The following KCNN3 variants were observed in gnomAD, a reference collection of about 807,000 sequenced individuals.
KCNN3 encodes small conductance calcium-activated potassium channel protein 3.
KCNN3 carries 16 observed loss-of-function variants against 62.9 expected under a neutral mutation model. The ratio of observed to expected loss-of-function variants is 0.25; its 90% CI spans 0.17 to 0.39. The LOEUF is 0.39. KCNN3 is among the 10% of genes least tolerant of loss of function. The probability of loss-of-function intolerance (pLI) is 1.00; values close to 1 mark genes in which losing one functional copy is unlikely to be tolerated. For synonymous variants in KCNN3, 370 were observed against 389.2 expected, an observed-to-expected ratio of 0.95 and a Z score of 0.58; for missense variants, 599 against 949.4, an observed-to-expected ratio of 0.63 and a Z score of 4.85.
At chr1:154,804,473 A>G (rs1172573587) in intron 2 of KCNN3, among the ~76,000 whole-genome samples, 1 of 152,206 alleles carries the variant, frequency 6.6e-6, no homozygotes, top group Non-Finnish European at 1.5e-5. Flanking sequence ...TTCCAAGTCA[A>G]CACTGTATTA....
intron 1 of KCNN3, among the ~76,000 whole-genome samples, chr1:154,847,997 A>T (rs1388296946): frequency 6.6e-6 from 1 of 151,436 alleles, no homozygotes; most frequent in African/African-American, 2.4e-5. Context: ...CTCCATACCT[A>T]CTCCTCCCAA....
At chr1:154,776,628 C>A (rs1648802506) in intron 2 of KCNN3, among the ~76,000 whole-genome samples, 1 of 152,166 alleles carries the variant, frequency 6.6e-6, no homozygotes, top group African/African-American at 2.4e-5. Flanking sequence ...CTCGCTCCCT[C>A]CCGATTCAGA....
chr1:154,789,240 T>C (rs1649410303), intron 2 of KCNN3, among the ~76,000 whole-genome samples: 1 of 152,168 alleles, frequency 6.6e-6, no homozygotes, highest in Non-Finnish European at 1.5e-5. Context: ...CTGCTTCCTC[T>C]TCGGTAGCTT....
chr1:154,771,359 A>T (rs1648552442), intron 3 of KCNN3, among the ~76,000 whole-genome samples: 1 of 152,210 alleles, frequency 6.6e-6, no homozygotes, highest in Admixed American at 6.5e-5. Flanking sequence ...CCATCAGTAC[A>T]GTGCTTCTCA....
intron 4 of KCNN3, among the ~76,000 whole-genome samples, chr1:154,729,141 G>A (rs1348503322): frequency 2.0e-5 from 3 of 152,220 alleles, no homozygotes; most frequent in Non-Finnish European, 4.4e-5. Flanking sequence ...CTGGTGGGTA[G>A]AGGGGGTGTG....
chr1:154,851,356 C>A (rs1571338400), intron 1 of KCNN3, among the ~76,000 whole-genome samples: 1 of 152,172 alleles, frequency 6.6e-6, no homozygotes, highest in Non-Finnish European at 1.5e-5. Flanking sequence ...GGGTCAGGAG[C>A]CCAGGCAGAA....
chr1:154,833,683 G>A (rs889111848), intron 1 of KCNN3, among the ~76,000 whole-genome samples: 1 of 152,160 alleles, frequency 6.6e-6, no homozygotes, highest in African/African-American at 2.4e-5. Flanking sequence ...GGGTGGGGCT[G>A]GTGTTCTGCC....
rs182169685 is a variant in KCNN3, at chr1:154,755,930, G to A, written c.1448+16045C>T. Among the ~76,000 whole-genome samples, 371 of 139,970 alleles carry A rather than the reference G, an allele frequency of 2.7e-3. 6 individuals are homozygous for A. Among genetic ancestry groups the A allele is most frequent in the African/African-American group, 0.01 (358 of 35,108 alleles). 91.8% of individuals were successfully genotyped at this position (139,970 alleles called of 152,430 possible). ...GGAGAAGAAGAAGAGAAGAAGAAGAGGTGGAGGATGGGGAGGGGAGGAGGA... is the reference window on the plus strand; with the variant it reads ...GGAGAAGAAGAAGAGAAGAAGAAGAAGTGGAGGATGGGGAGGGGAGGAGGA... On this transcript the variant is annotated intron_variant, in intron 3 of 7. Transcript: ENST00000271915.
chr1:154,863,261 T>C (rs891964311), intron 1 of KCNN3, among the ~76,000 whole-genome samples: 11 of 152,062 alleles, frequency 7.2e-5, no homozygotes, highest in Non-Finnish European at 1.6e-4. Context: ...CCCATTCGCC[T>C]CCTCCGGACT....
In KCNN3 at chr1:154,707,875, C is replaced by G; in HGVS notation, c.*101G>C. Reference sequence around the variant, plus strand: ...TAATTAGCTCGGTCTCTCTTCTTTCCGTTCCCTGGTCTGAATGTTTCTTGA... The same window carrying G: ...TAATTAGCTCGGTCTCTCTTCTTTCGGTTCCCTGGTCTGAATGTTTCTTGA... On this transcript the variant is annotated 3_prime_UTR_variant, in exon 8 of 8. Coordinates refer to ENST00000271915, the MANE Select transcript of KCNN3 (RefSeq NM_002249.6). The G allele has an allele frequency of 4.5e-6, 6 of 1,331,788 alleles. No individual in the cohort carries two copies. Among genetic ancestry groups the G allele is most frequent in the Non-Finnish European group, 5.2e-6 (5 of 961,366 alleles). The allele number at this position is 1,331,788 out of a possible 1,614,324, so 82.5% of individuals were successfully genotyped here.
At chr1:154,824,890 T>TCCAGCC (rs1651043601) in intron 1 of KCNN3, among the ~76,000 whole-genome samples, 1 of 152,158 alleles carries the variant, frequency 6.6e-6, no homozygotes, top group African/African-American at 2.4e-5. Flanking sequence ...CCTGGCCAGC[T>TCCAGCC]CCAGCCCTGT....
At chr1:154,848,604 C>T (rs1652179057) in intron 1 of KCNN3, among the ~76,000 whole-genome samples, 2 of 152,160 alleles carry the variant, frequency 1.3e-5, no homozygotes, top group Admixed American at 6.5e-5. Context: ...CTCCAGTCTT[C>T]TCTTCCCAGA....
At chr1:154,830,119 G>T (rs1651324706) in intron 1 of KCNN3, among the ~76,000 whole-genome samples, 1 of 152,180 alleles carries the variant, frequency 6.6e-6, no homozygotes, top group African/African-American at 2.4e-5. Flanking sequence ...TGTCAAGCAG[G>T]TAGACACTTC....
At chr1:154,735,062 C>T (rs1700681781) in intron 3 of KCNN3, among the ~76,000 whole-genome samples, 1 of 152,182 alleles carries the variant, frequency 6.6e-6, no homozygotes, top group South Asian at 2.1e-4. Flanking sequence ...TGGATCTTGT[C>T]TTAGAGGCCT....
intron 1 of KCNN3, among the ~76,000 whole-genome samples, chr1:154,843,891 G>A (rs61811872): frequency 6.6e-6 from 1 of 152,132 alleles, no homozygotes; most frequent in Non-Finnish European, 1.5e-5. Context: ...TGGAGGGGCG[G>A]CTGTGAGATT....
At chr1:154,711,331 C>A (rs1700069744) in intron 7 of KCNN3, among the ~76,000 whole-genome samples, 1 of 112,584 alleles carries the variant, frequency 8.9e-6, no homozygotes, top group Non-Finnish European at 1.7e-5. Context: ...CATCACACTC[C>A]AGGGACTGTT....
intron 3 of KCNN3, among the ~76,000 whole-genome samples, chr1:154,747,942 G>A (rs756281761): frequency 3.3e-5 from 5 of 152,062 alleles, no homozygotes; most frequent in African/African-American, 4.8e-5. Context: ...CACCTCCTCC[G>A]GAAAGCCGTC....
rs929154996 is a variant in KCNN3, at chr1:154,705,867, A to G, written c.*2109T>C. On this transcript the variant is annotated 3_prime_UTR_variant, in exon 8 of 8. Coordinates refer to ENST00000271915, the MANE Select transcript of KCNN3 (RefSeq NM_002249.6). Reference sequence around the variant, plus strand: ...AGTGGTCTTCACTTTGTGAAATGGAACTAATGCCACAAGGAAACTGCATGG... The same window carrying G: ...AGTGGTCTTCACTTTGTGAAATGGAGCTAATGCCACAAGGAAACTGCATGG... 6.6e-6 allele frequency: 1 copy of G among 152,242 alleles called. No individual in the cohort carries two copies. The highest frequency in any genetic ancestry group is 1.5e-5 in the Non-Finnish European group (1 of 68,046). The allele number at this position is 152,242 out of a possible 1,614,324, so 9.4% of individuals were successfully genotyped here.
At chr1:154,823,276 T>C (rs926480328) in intron 1 of KCNN3, among the ~76,000 whole-genome samples, 2 of 152,160 alleles carry the variant, frequency 1.3e-5, no homozygotes, top group African/African-American at 4.8e-5. Flanking sequence ...AGGCAGCAGA[T>C]GAGATCCAGG....
Sources: allele counts gnomAD v4.1 joint callset (sites outside exome capture counted in the v4.1 genomes callset), GRCh38; gene constraint gnomAD v4.1.1; transcripts MANE v1.5; gene names NCBI Gene and HGNC (gene_info 2026-07-23, HGNC 2026-07-21).